Variants in NARS2 observed in about 807,000 individuals in gnomAD.
NARS2 encodes the protein asparaginyl-tRNA synthetase 2, mitochondrial, also known as asparaginyl-tRNA synthetase.
NARS2 carries 60 observed loss-of-function variants against 62.9 expected under a neutral mutation model. The ratio of observed to expected loss-of-function variants is 0.95; its 90% CI spans 0.77 to 1.18. The LOEUF is 1.18. NARS2 is among the 50% of genes most tolerant of loss of function. The pLI is 0.00. For missense variants in NARS2, 619 were observed against 576.4 expected (o/e 1.07, Z -0.76); for synonymous variants, 196 against 200.0 (o/e 0.98, Z 0.17).
chr11:78,491,786 T>TA (rs973773882), intron 7 of NARS2, among the ~76,000 whole-genome samples: 1 of 152,172 alleles, frequency 6.6e-6, no homozygotes, highest in African/African-American at 2.4e-5. Flanking sequence ...ATCTCTGCCT[T>TA]AGAGAGTTTT....
chr11:78,555,381 A>G (rs781417605), intron 5 of NARS2: 4 of 152,076 alleles, frequency 2.6e-5, no homozygotes, highest in Non-Finnish European at 5.9e-5. Flanking sequence ...TTGGTAGACT[A>G]TTTATTATTT....
At chr11:78,571,297 A>C in intron 2 of NARS2, 38 bp downstream of exon 2, 1 of 1,414,514 alleles carries the variant, frequency 7.1e-7, no homozygotes, top group Non-Finnish European at 1.0e-6. Context: ...GAGGTGAAAA[A>C]CAAAAATCAA....
intron 6 of NARS2, among the ~76,000 whole-genome samples, chr11:78,521,748 C>T (rs1297622942): frequency 7.0e-6 from 1 of 143,254 alleles, no homozygotes; most frequent in East Asian, 2.0e-4. Flanking sequence ...CGAGATCCCG[C>T]CACTGCACTC....
chr11:78,514,937 T>C (rs1414640678), intron 6 of NARS2, among the ~76,000 whole-genome samples: 1 of 152,208 alleles, frequency 6.6e-6, no homozygotes, highest in Non-Finnish European at 1.5e-5. Context: ...GATATTTCTA[T>C]TCACTTCTTC....
intron 7 of NARS2, among the ~76,000 whole-genome samples, chr11:78,479,745 C>T (rs1205170319): frequency 6.6e-6 from 1 of 152,224 alleles, no homozygotes; most frequent in African/African-American, 2.4e-5. Flanking sequence ...GGTATCTTCT[C>T]TTCCTCTGTT....
intron 4 of NARS2, among the ~76,000 whole-genome samples, chr11:78,562,079 T>A (rs1856575998): frequency 6.6e-6 from 1 of 151,180 alleles, no homozygotes; most frequent in African/African-American, 2.5e-5. Context: ...TAAACAGCAG[T>A]CACAGGAACT....
intron 6 of NARS2, among the ~76,000 whole-genome samples, chr11:78,519,846 G>A (rs1255433172): frequency 1.3e-5 from 2 of 151,894 alleles, no homozygotes; most frequent in Non-Finnish European, 2.9e-5. Flanking sequence ...GACTACAGGC[G>A]CATGCCACCA....
intron 11 of NARS2, among the ~76,000 whole-genome samples, chr11:78,458,165 G>A (rs991732559): frequency 1.3e-5 from 2 of 152,008 alleles, no homozygotes; most frequent in East Asian, 1.9e-4. Context: ...TTGAGGTGAC[G>A]AATATGCTAA....
At chr11:78,570,232 G>C (rs988924882) in intron 2 of NARS2, among the ~76,000 whole-genome samples, 3 of 150,820 alleles carry the variant, frequency 2.0e-5, no homozygotes, top group African/African-American at 7.3e-5. Context: ...ATTTTTTTTT[G>C]TTCTGCCCAG....
intron 5 of NARS2, among the ~76,000 whole-genome samples, chr11:78,547,469 A>C: frequency 6.6e-6 from 1 of 152,258 alleles, no homozygotes. Flanking sequence ...ATATATTGAT[A>C]CACTGAAACA....
At chr11:78,542,757 G>C (rs1409201718) in intron 5 of NARS2, among the ~76,000 whole-genome samples, 2 of 152,074 alleles carry the variant, frequency 1.3e-5, no homozygotes, top group African/African-American at 2.4e-5. Context: ...AAATTAGCTG[G>C]GTGTGGTGGT....
intron 9 of NARS2, among the ~76,000 whole-genome samples, chr11:78,476,425 A>T (rs1385934746): frequency 1.3e-5 from 2 of 152,134 alleles, no homozygotes; most frequent in Non-Finnish European, 2.9e-5. Context: ...TGCCAAGGGG[A>T]ATCTTCTGTG....
At chr11:78,567,206 T>A (rs1258142270) in intron 3 of NARS2, among the ~76,000 whole-genome samples, 1 of 152,184 alleles carries the variant, frequency 6.6e-6, no homozygotes, top group African/African-American at 2.4e-5. Flanking sequence ...AGGGGATATG[T>A]TCCAAGACCC....
intron 9 of NARS2, among the ~76,000 whole-genome samples, chr11:78,476,862 G>C (rs1356953513): frequency 6.6e-6 from 1 of 152,120 alleles, no homozygotes; most frequent in Non-Finnish European, 1.5e-5. Context: ...CTTAATTCCA[G>C]TACCCTCCCA....
At chr11:78,551,298 T>C (rs1480871840) in intron 5 of NARS2, among the ~76,000 whole-genome samples, 1 of 152,218 alleles carries the variant, frequency 6.6e-6, no homozygotes, top group Non-Finnish European at 1.5e-5. Context: ...TATAGCCTAC[T>C]ACCCCCAGGC....
intron 5 of NARS2, among the ~76,000 whole-genome samples, chr11:78,540,011 C>T (rs1170151154): frequency 6.6e-6 from 1 of 152,072 alleles, no homozygotes; most frequent in East Asian, 1.9e-4. Flanking sequence ...GGATGATTAC[C>T]TCCCATCCTA....
At chr11:78,525,431 G>A (rs974008518) in intron 6 of NARS2, among the ~76,000 whole-genome samples, 12 of 152,218 alleles carry the variant, frequency 7.9e-5, no homozygotes, top group South Asian at 4.1e-4. Flanking sequence ...GTACAGGGGC[G>A]TATCAAAGGG....
At chr11:78,571,618 G>C (rs1856926299) in intron 1 of NARS2, 174 bp from the exon 2 acceptor site, 1 of 520,932 alleles carries the variant, frequency 1.9e-6, no homozygotes, top group Middle Eastern at 4.3e-4. Flanking sequence ...ATCACAATAG[G>C]ATACACACTT....
intron 5 of NARS2, among the ~76,000 whole-genome samples, chr11:78,554,065 T>C (rs1444878647): frequency 6.6e-6 from 1 of 152,212 alleles, no homozygotes; most frequent in African/African-American, 2.4e-5. Flanking sequence ...TGCGGCCTTA[T>C]TTCTGGACTC....
Sources: allele counts gnomAD v4.1 joint callset (sites outside exome capture counted in the v4.1 genomes callset), GRCh38; gene constraint gnomAD v4.1.1; transcripts MANE v1.5; gene names NCBI Gene and HGNC (gene_info 2026-07-23, HGNC 2026-07-21).